The following CACNA1C variants were observed in gnomAD, a reference collection of about 807,000 sequenced individuals.
CACNA1C encodes the protein calcium voltage-gated channel subunit alpha1 C, also known as voltage-dependent L-type calcium channel subunit alpha-1C.
CACNA1C carries 30 observed loss-of-function variants against 229.0 expected under a neutral mutation model. That is an observed-to-expected ratio of 0.13 (90% CI 0.10 to 0.18). CACNA1C has a LOEUF of 0.18. CACNA1C is among the 10% of genes least tolerant of loss of function. CACNA1C has a pLI of 1.00. For synonymous variants in CACNA1C, 1,114 were observed against 1,132.5 expected (o/e 0.98, Z 0.33); for missense variants, 1,658 against 2,845.0 (o/e 0.58, Z 9.49).
intron 9 of CACNA1C, among the ~76,000 whole-genome samples, chr12:2,537,740 A>G (rs2099859161): frequency 6.6e-6 from 1 of 152,228 alleles, no homozygotes; most frequent in African/African-American, 2.4e-5. Context: ...CCATGTCTAG[A>G]AGATCCCTGT....
intron 3 of CACNA1C, among the ~76,000 whole-genome samples, chr12:2,171,558 T>A (rs910351573): frequency 1.2e-4 from 19 of 152,212 alleles, no homozygotes; most frequent in Admixed American, 8.5e-4. Context: ...CTTTGAGCCT[T>A]CTTTCTCTTC....
chr12:2,070,155 G>T (rs1052587719), intron 1 of CACNA1C, among the ~76,000 whole-genome samples: 1 of 152,184 alleles, frequency 6.6e-6, no homozygotes, highest in Non-Finnish European at 1.5e-5. Context: ...TGTCTTGGGG[G>T]TCGAGCGGGA....
chr12:2,668,859 C>A, intron 37 of CACNA1C, 74 bp from the exon 38 acceptor site: 2 of 958,792 alleles, frequency 2.1e-6, no homozygotes, highest in Non-Finnish European at 3.4e-6. Flanking sequence ...AACCATATCA[C>A]TCTGCCACGG....
intron 1 of CACNA1C, among the ~76,000 whole-genome samples, chr12:1,985,005 C>T (rs1174825645): frequency 1.3e-5 from 2 of 150,382 alleles, no homozygotes. Flanking sequence ...AGATGTAACA[C>T]AATGGTTTTC....
intron 34 of CACNA1C, among the ~76,000 whole-genome samples, chr12:2,662,554 A>G (rs1335117271): frequency 1.3e-5 from 2 of 152,254 alleles, no homozygotes; most frequent in Admixed American, 1.3e-4. Context: ...TAAAGATGTC[A>G]GGATTCTGCA....
chr12:1,999,183 T>C (rs2041617131), intron 1 of CACNA1C, among the ~76,000 whole-genome samples: 1 of 152,192 alleles, frequency 6.6e-6, no homozygotes, highest in Admixed American at 6.5e-5. Context: ...CAATCTGGGT[T>C]TTATTAAACT....
intron 3 of CACNA1C, among the ~76,000 whole-genome samples, chr12:2,344,354 C>G (rs1048541609): frequency 1.3e-5 from 2 of 152,078 alleles, no homozygotes; most frequent in African/African-American, 2.4e-5. Context: ...GTTTCACACT[C>G]TGCATTTTCA....
At chr12:2,017,544 G>A (rs1050091259) in intron 1 of CACNA1C, among the ~76,000 whole-genome samples, 2 of 152,114 alleles carry the variant, frequency 1.3e-5, no homozygotes, top group African/African-American at 4.8e-5. Flanking sequence ...TTTTTCACAG[G>A]GAGTGAGGGG....
intron 3 of CACNA1C, among the ~76,000 whole-genome samples, chr12:2,363,185 C>G (rs1439853112): frequency 1.3e-5 from 2 of 152,282 alleles, no homozygotes; most frequent in African/African-American, 4.8e-5. Context: ...CCCTGGCTGA[C>G]CATAGCATTG....
At chr12:2,022,872 A>G (rs1385424941) in intron 1 of CACNA1C, among the ~76,000 whole-genome samples, 1 of 152,204 alleles carries the variant, frequency 6.6e-6, no homozygotes, top group Non-Finnish European at 1.5e-5. Flanking sequence ...CATTAAGTGA[A>G]GACTTATTGT....
chr12:2,656,126 C>T (rs1365968850), intron 34 of CACNA1C, among the ~76,000 whole-genome samples: 3 of 152,056 alleles, frequency 2.0e-5, no homozygotes, highest in Admixed American at 6.5e-5. Flanking sequence ...AAAAAGTTAT[C>T]CAAATAGGAA....
At chr12:2,387,711 G>T (rs1012270886) in intron 3 of CACNA1C, among the ~76,000 whole-genome samples, 1 of 152,190 alleles carries the variant, frequency 6.6e-6, no homozygotes, top group Non-Finnish European at 1.5e-5. Context: ...GTGGAAAGCT[G>T]TTCCCTGCAA....
At chr12:2,283,687 C>G (rs185800680) in intron 3 of CACNA1C, among the ~76,000 whole-genome samples, 7 of 152,314 alleles carry the variant, frequency 4.6e-5, no homozygotes, top group African/African-American at 1.7e-4. Flanking sequence ...AAATGCAGTG[C>G]TGATTCGGGA....
Position 2,691,200 on chromosome 12 carries a change from T to C in CACNA1C, c.*1T>C. 6.5e-7 allele frequency: 1 copy of C among 1,543,172 alleles called. No homozygotes were observed. Among genetic ancestry groups the C allele is most frequent in the Non-Finnish European group, 8.7e-7 (1 of 1,146,972 alleles). Reference sequence around the variant, plus strand: ...CAGGGTCTACGTCAGCAGCCTGTAGTGGGCGCTGCCAGATGCGGGCTTTTT... The same window carrying C: ...CAGGGTCTACGTCAGCAGCCTGTAGCGGGCGCTGCCAGATGCGGGCTTTTT... On this transcript the variant is annotated 3_prime_UTR_variant, in exon 47 of 47. Coordinates refer to ENST00000399655, the MANE Select transcript of CACNA1C (RefSeq NM_000719.7).
At chr12:2,667,310 C>A (rs377342048) in intron 37 of CACNA1C, among the ~76,000 whole-genome samples, 1 of 151,908 alleles carries the variant, frequency 6.6e-6, no homozygotes, top group Non-Finnish European at 1.5e-5. Context: ...TCCTCTCCAC[C>A]GTGGCCATTC....
At chr12:2,166,410 C>A (rs1043023987) in intron 3 of CACNA1C, among the ~76,000 whole-genome samples, 1 of 152,146 alleles carries the variant, frequency 6.6e-6, no homozygotes, top group Non-Finnish European at 1.5e-5. Context: ...TAGCCTTGGG[C>A]GTTTATTAGG....
intron 1 of CACNA1C, among the ~76,000 whole-genome samples, chr12:2,079,504 A>T (rs1306368315): frequency 6.6e-6 from 1 of 152,118 alleles, no homozygotes; most frequent in East Asian, 1.9e-4. Context: ...TGAGAACTGA[A>T]GAGCTCTCTC....
chr12:2,316,104 A>ATGGGT (rs2095675092), intron 3 of CACNA1C, among the ~76,000 whole-genome samples: 2 of 152,274 alleles, frequency 1.3e-5, no homozygotes, highest in African/African-American at 4.8e-5. Flanking sequence ...TGCTCCACCC[A>ATGGGT]GGAAGCTGCT....
chr12:2,572,463 C>T (rs1196643924), intron 13 of CACNA1C, among the ~76,000 whole-genome samples: 2 of 56,972 alleles, frequency 3.5e-5, no homozygotes, highest in Non-Finnish European at 3.5e-5. Context: ...TCCTCCTCCT[C>T]CTCTTCCTCC....
Sources: gnomAD v4.1 joint callset for allele counts (sites outside exome capture counted in the v4.1 genomes callset) on GRCh38, gnomAD v4.1.1 for gene constraint, MANE v1.5 for transcripts, NCBI Gene and HGNC (gene_info 2026-07-23, HGNC 2026-07-21) for gene names.